Variants in HYOU1 observed in about 807,000 individuals in gnomAD.
HYOU1 encodes the protein hypoxia up-regulated 1.
In HYOU1, 40 loss-of-function variants were observed where a neutral mutation model predicts 120.5. That is an observed-to-expected ratio of 0.33 (90% CI 0.26 to 0.43). The LOEUF is 0.43. HYOU1 is among the 20% of genes least tolerant of loss of function. The probability of loss-of-function intolerance (pLI) is 1.00; values close to 1 mark genes in which losing one functional copy is unlikely to be tolerated. For synonymous variants in HYOU1, 501 were observed against 479.4 expected, an observed-to-expected ratio of 1.05 and a Z score of -0.59; for missense variants, 1,085 against 1,278.3, an observed-to-expected ratio of 0.85 and a Z score of 2.31.
rs2133559762 is a variant in HYOU1, at chr11:119,047,955, C to A, written c.2502G>T (p.Met834Ile). 1 of 1,614,168 alleles carries A rather than the reference C, an allele frequency of 6.2e-7. No homozygotes were observed. Among genetic ancestry groups the A allele is most frequent in the Non-Finnish European group, 8.5e-7 (1 of 1,180,038 alleles). ...GTTCAGGGGCTGCTCACTTGAGGAA[C>A]ATGCTGGAATGGTTGAGGAGATTAT... ...ALDNLLNHSS[M>I]FLKGARLIPE... is the part of the protein sequence containing the mutation. The change falls in exon 21 of 26, where the codon ATG (methionine) becomes ATT (isoleucine). Residue 834 changes from methionine (M) to isoleucine (I), a missense_variant. Physicochemically the swap from Met to Ile is conservative, Grantham distance 10. Coordinates refer to ENST00000617285, the MANE Select transcript of HYOU1 (RefSeq NM_006389.5).
intron 15 of HYOU1, 34 bp downstream of exon 15, chr11:119,049,743 T>G: frequency 7.4e-6 from 12 of 1,610,894 alleles, no homozygotes; most frequent in Non-Finnish European, 1.0e-5. Context: ...CACAAGTATA[T>G]TCTCTCCCAT....
intron 15 of HYOU1, 32 bp from the exon 16 acceptor site, chr11:119,049,667 G>C: frequency 1.2e-6 from 2 of 1,613,138 alleles, no homozygotes; most frequent in Non-Finnish European, 1.7e-6. Flanking sequence ...GACTCAAAAG[G>C]AGACCACAGC....
chr11:119,056,071 A>G lies in HYOU1; in HGVS notation c.90T>C (p.Ser30=), dbSNP rs150236764. ...TGCTCCCTCTACTGGGGTACATACC[A>G]CTCAGTGCCAACAGGTCTGCCAAGA... ...AVLLADLLAL[S]DTLAVMSVDL... is the part of the protein sequence containing the mutation. The change falls in exon 2 of 26, where the codon AGT becomes AGC. Residue 30 remains serine (S), a splice_region_variant and synonymous_variant. Coordinates refer to ENST00000617285, the MANE Select transcript of HYOU1 (RefSeq NM_006389.5). 146 of 1,613,084 alleles carry G rather than the reference A, an allele frequency of 9.1e-5. No homozygotes were observed. The highest frequency in any genetic ancestry group is 1.1e-4 in the Non-Finnish European group (134 of 1,179,274).
chr11:119,049,221 C>T lies in HYOU1; in HGVS notation c.1807-18G>A, dbSNP rs200581041. ...TCTTCCTCCTGGGAAACACCACAGG[C>T]GCCCCAGGGAACGATCAGGAGCAGA... On this transcript the variant is annotated intron_variant, in intron 16 of 25. Coordinates refer to ENST00000617285, the MANE Select transcript of HYOU1 (RefSeq NM_006389.5). 3.0e-5 allele frequency: 48 copies of T among 1,587,792 alleles called. No homozygotes were observed. The highest frequency in any genetic ancestry group is 6.7e-5 in the East Asian group (3 of 44,724).
At position 119,048,599 on chromosome 11, in the gene HYOU1, G is replaced by A. The variant is rs1944228197; in HGVS notation, c.2166-36C>T. On this transcript the variant is annotated intron_variant, in intron 18 of 25. Coordinates refer to ENST00000617285, the MANE Select transcript of HYOU1 (RefSeq NM_006389.5). This position sits in a 1 kb window ranked among gnomAD's most constrained non-coding sequence, Gnocchi z 4.7. ...AAGGAGGGGTAGGGATGAGGGAGAG[G>A]GCAAGTGAGAACTTGAGACTCTGGG... is the stretch of plus-strand genomic sequence containing the variant. The A allele has an allele frequency of 6.2e-7, 1 of 1,610,934 alleles. No homozygotes were observed. Among genetic ancestry groups the A allele is most frequent in the Non-Finnish European group, 8.5e-7 (1 of 1,177,752 alleles).
At chr11:119,054,016 C>A in intron 8 of HYOU1, 105 bp downstream of exon 8, 1 of 689,056 alleles carries the variant, frequency 1.5e-6, no homozygotes, top group Non-Finnish European at 2.5e-6. Context: ...ATCAGGAGAC[C>A]ATTCCTGCAG....
At position 119,051,337 on chromosome 11, in the gene HYOU1, GC is replaced by G; in HGVS notation, c.1526+100del. On this transcript the variant is annotated intron_variant, in intron 13 of 25. Transcript: ENST00000617285. The surrounding 1 kb of genome is among the most constrained non-coding windows in gnomAD (Gnocchi z 4.2). ...AGCTGATCATAGCTGCCCTGTTTCA[GC>G]CCCGCAGGCCCACATCCTCCCTCAC... 3 of 1,484,654 alleles carry G rather than the reference GC, an allele frequency of 2.0e-6. No individual in the cohort carries two copies. Among genetic ancestry groups the G allele is most frequent in the Non-Finnish European group, 9.2e-7 (1 of 1,082,252 alleles). 92.0% of individuals were successfully genotyped at this position (1,484,654 alleles called of 1,614,324 possible).
At position 119,052,765 on chromosome 11, in the gene HYOU1, A is replaced by C; in HGVS notation, c.859T>G (p.Phe287Val). The C allele has an allele frequency of 1.9e-6, 3 of 1,614,216 alleles. No homozygotes were observed. Among genetic ancestry groups the C allele is most frequent in the Non-Finnish European group, 2.5e-6 (3 of 1,180,044 alleles). Residue 287 changes from phenylalanine to valine, a missense_variant, in exon 9 of 26, where the codon TTC becomes GTC. Phe to Val is a conservative substitution (Grantham distance 50). Transcript: ENST00000617285. This position sits in a 1 kb window ranked among gnomAD's most constrained non-coding sequence, Gnocchi z 5.0. Reference protein sequence around the residue: ...LRLRERLAGLFNEQRKGQRAK... With the variant: ...LRLRERLAGLVNEQRKGQRAK... ...CTCTGACCCTTGCGCTGCTCATTGA[A>C]AAGCCCAGCCAGGCGTTCTCGAAGC...
Position 119,053,216 on chromosome 11 carries a change from A to G in HYOU1, c.795-387T>C, listed in dbSNP as rs2133598222. On this transcript the variant is annotated intron_variant, in intron 8 of 25. Coordinates refer to ENST00000617285, the MANE Select transcript of HYOU1 (RefSeq NM_006389.5). ...ATGCCTGCAGAACATGCATGGGGGGAGATTCAGGCTACTGAGGGAGACCCA... is the reference window on the plus strand; with the variant it reads ...ATGCCTGCAGAACATGCATGGGGGGGGATTCAGGCTACTGAGGGAGACCCA... The G allele has an allele frequency of 4.4e-4, 83 of 189,650 alleles. 3 individuals are homozygous for G. Among genetic ancestry groups the G allele is most frequent in the African/African-American group, 1.9e-3 (79 of 42,548 alleles). The allele number at this position is 189,650 out of a possible 1,614,324, so 11.7% of individuals were successfully genotyped here. A position where few individuals can be genotyped will look rare whatever the true frequency, so the allele number is the denominator to read the frequency against.
intron 22 of HYOU1, chr11:119,047,081 A>C: frequency 3.0e-6 from 1 of 329,916 alleles, no homozygotes; most frequent in East Asian, 5.6e-5. Context: ...TTTGAGACGG[A>C]GTCTCGCTCT....
intron 16 of HYOU1, 166 bp downstream of exon 16, chr11:119,049,390 C>A: frequency 6.4e-7 from 1 of 1,563,528 alleles, no homozygotes; most frequent in Non-Finnish European, 8.6e-7. Context: ...GGGGAATGGG[C>A]CTTGGGAGCA....
chr11:119,056,752 T>C (rs909677587), intron 1 of HYOU1: 23 of 222,716 alleles, frequency 1.0e-4, no homozygotes, highest in African/African-American at 4.8e-4. Context: ...CCAGGGGCGG[T>C]AAGGTTCCCC....
intron 16 of HYOU1, 53 bp from the exon 17 acceptor site, chr11:119,049,256 C>A: frequency 6.3e-7 from 1 of 1,590,602 alleles, no homozygotes; most frequent in Non-Finnish European, 8.5e-7. Flanking sequence ...AGCCTCCAGG[C>A]AGGCCTGGCT....
In HYOU1 at chr11:119,047,755, C is replaced by T; in HGVS notation, c.2574G>A (p.Glu858=). ...IFTEVEMTTL[E]KVINETWAWK... ...TTACCCAGGTCTCATTGATGACTTT[C>T]TCTAACGTTGTCATCTCCACCTCAG... Residue 858 remains glutamate (E), a synonymous_variant, in exon 22 of 26, where the codon GAG becomes GAA. Coordinates refer to ENST00000617285, the MANE Select transcript of HYOU1 (RefSeq NM_006389.5). 6.2e-7 allele frequency: 1 copy of T among 1,613,960 alleles called. No homozygotes were observed. Among genetic ancestry groups the T allele is most frequent in the Non-Finnish European group, 8.5e-7 (1 of 1,179,838 alleles).
At chr11:119,049,349 T>C (rs1486101473) in intron 16 of HYOU1, 146 bp from the exon 17 acceptor site, 5 of 1,553,586 alleles carry the variant, frequency 3.2e-6, no homozygotes, top group Non-Finnish European at 3.5e-6. Flanking sequence ...TGTGGCAATC[T>C]AGCTGGACAA....
chr11:119,051,472 C>T lies in HYOU1; in HGVS notation c.1492G>A (p.Gly498Ser), dbSNP rs1944435505. ...SHDFNFHINY[G>S]DLGFLGPEDL... ...TCAGGCCCCAGGAAGCCCAGGTCGC[C>T]GTAGTTGATGTGGAAGTTGAAATCA... Residue 498 changes from glycine (G) to serine (S), a missense_variant, in exon 13 of 26, where the codon GGC (glycine) becomes AGC (serine). This residue lies in a region of HYOU1 where 515 missense variants were observed against 677.8 expected (regional missense o/e 0.76). Coordinates refer to ENST00000617285, the MANE Select transcript of HYOU1 (RefSeq NM_006389.5). This position sits in a 1 kb window ranked among gnomAD's most constrained non-coding sequence, Gnocchi z 4.2. 3 of 1,614,080 alleles carry T rather than the reference C, an allele frequency of 1.9e-6. No homozygotes were observed. The highest frequency in any genetic ancestry group is 1.7e-6 in the Non-Finnish European group (2 of 1,179,994).
intron 24 of HYOU1, 80 bp from the exon 25 acceptor site, chr11:119,045,911 G>T: frequency 7.3e-7 from 1 of 1,360,926 alleles, no homozygotes; most frequent in Non-Finnish European, 1.0e-6. Flanking sequence ...TTTCCATGAA[G>T]AGCCAGCTAG....
chr11:119,055,512 C>G lies in HYOU1; in HGVS notation c.245G>C (p.Gly82Ala). ...VTLKENERFF[G>A]DSAASMAIKN... ...GCTCACCATGCTTGCTGCACTGTCTCCAAAGAATCTTTCATTTTCTTTCAG... is the reference window on the plus strand; with the variant it reads ...GCTCACCATGCTTGCTGCACTGTCTGCAAAGAATCTTTCATTTTCTTTCAG... The change falls in exon 4 of 26, where the codon GGA (glycine) becomes GCA (alanine). Residue 82 changes from glycine to alanine, a missense_variant. Physicochemically the swap from Gly to Ala is moderately conservative, Grantham distance 60. Coordinates refer to ENST00000617285, the MANE Select transcript of HYOU1 (RefSeq NM_006389.5). This position sits in a 1 kb window ranked among gnomAD's most constrained non-coding sequence, Gnocchi z 4.0. 6.2e-7 allele frequency: 1 copy of G among 1,614,078 alleles called. No individual in the cohort carries two copies. The highest frequency in any genetic ancestry group is 8.5e-7 in the Non-Finnish European group (1 of 1,179,968).
chr11:119,046,035 T>C (rs1944047161), intron 24 of HYOU1, among the ~76,000 whole-genome samples: 1 of 152,174 alleles, frequency 6.6e-6, no homozygotes, highest in South Asian at 2.1e-4. Flanking sequence ...CATCTTGGCT[T>C]ACTGCAACCT....
Sources: allele counts gnomAD v4.1 joint callset (sites outside exome capture counted in the v4.1 genomes callset), GRCh38; gene constraint gnomAD v4.1.1; regional missense constraint gnomAD v4.1.1; non-coding constraint Gnocchi (gnomAD v3.1); transcripts MANE v1.5; gene names NCBI Gene and HGNC (gene_info 2026-07-23, HGNC 2026-07-21).